Variants in PDXDC1 observed in about 807,000 individuals in gnomAD.
PDXDC1 encodes pyridoxal-dependent decarboxylase domain-containing protein 1.
A neutral mutation model predicts 100.1 loss-of-function variants in PDXDC1; 42 were observed. The ratio of observed to expected loss-of-function variants is 0.42; its 90% CI spans 0.33 to 0.54. The LOEUF is 0.54. Among genes scored for constraint, PDXDC1 ranks in the 20% least tolerant of loss-of-function variants. PDXDC1 has a pLI of 0.10. For synonymous variants in PDXDC1, 260 were observed against 371.7 expected, an observed-to-expected ratio of 0.70 and a Z score of 3.46; for missense variants, 636 against 979.2, an observed-to-expected ratio of 0.65 and a Z score of 4.68.
Position 15,031,819 on chromosome 16 carries a change from T to A in PDXDC1, c.1484T>A (p.Leu495Ter). 1 of 1,614,038 alleles carries A rather than the reference T, an allele frequency of 6.2e-7. No homozygotes were observed. Among genetic ancestry groups the A allele is most frequent in the South Asian group, 1.1e-5 (1 of 91,082 alleles). The change falls in exon 17 of 23, where the codon TTG (leucine) becomes TAG (stop). Residue 495 changes from leucine to a stop codon, truncating the protein, a stop_gained. Coordinates refer to ENST00000396410, the MANE Select transcript of PDXDC1 (RefSeq NM_015027.4). LOFTEE classifies it high-confidence loss of function. ...KLPVLCCTLQ[L>*]REEFKQEVEA... ...CCAGTGCTGTGCTGTACGCTCCAGTTGCGTGAAGAGTTCAAGCAGGAAGTG... is the reference window on the plus strand; with the variant it reads ...CCAGTGCTGTGCTGTACGCTCCAGTAGCGTGAAGAGTTCAAGCAGGAAGTG...
intron 13 of PDXDC1, 140 bp downstream of exon 13, chr16:15,022,894 AAAACG>A: frequency 1.3e-6 from 1 of 751,558 alleles, no homozygotes; most frequent in Non-Finnish European, 2.1e-6. Flanking sequence ...ACAAAACAAA[AAAACG>A]AAACAAAAAA....
intron 6 of PDXDC1, among the ~76,000 whole-genome samples, chr16:15,007,409 C>T (rs1276710860): frequency 2.6e-5 from 4 of 152,158 alleles, no homozygotes; most frequent in Non-Finnish European, 4.4e-5. Flanking sequence ...CTCCTGGCCT[C>T]GTGATCTGCC....
chr16:14,990,178 GC>G, intron 1 of PDXDC1: 1 of 1,282,246 alleles, frequency 7.8e-7, no homozygotes, highest in Non-Finnish European at 9.8e-7. Flanking sequence ...CCAGGCGCGG[GC>G]AAGGGCGCGA....
intron 19 of PDXDC1, 122 bp from the exon 20 acceptor site, chr16:15,034,164 C>G: frequency 1.3e-6 from 1 of 776,584 alleles, no homozygotes. Context: ...TTTACGCCGG[C>G]TTTTCAATGC....
intron 16 of PDXDC1, among the ~76,000 whole-genome samples, chr16:15,079,106 G>A (rs935446840): frequency 6.6e-5 from 10 of 151,894 alleles, no homozygotes; most frequent in Admixed American, 4.6e-4. Context: ...CACCACGCCC[G>A]GCCTCCTCTT....
At chr16:15,030,346 A>G (rs1276917599) in intron 16 of PDXDC1, among the ~76,000 whole-genome samples, 1 of 152,156 alleles carries the variant, frequency 6.6e-6, no homozygotes, top group African/African-American at 2.4e-5. Flanking sequence ...GGAGTTCGAG[A>G]CCAGCCTGGC....
intron 14 of PDXDC1, among the ~76,000 whole-genome samples, chr16:15,027,369 C>T (rs2042692280): frequency 6.6e-6 from 1 of 152,278 alleles, no homozygotes; most frequent in African/African-American, 2.4e-5. Context: ...TGTTTTACAG[C>T]TCCTAAGGCT....
intron 7 of PDXDC1, 102 bp from the exon 8 acceptor site, chr16:15,009,579 A>G (rs2041083679): frequency 6.6e-7 from 1 of 1,524,722 alleles, no homozygotes; most frequent in Non-Finnish European, 8.8e-7. Context: ...TTGATTTGAC[A>G]TTACTTTTGA....
rs540521803 is a variant in PDXDC1, at chr16:14,987,245, G to T, written c.22-10508G>T. 1.0e-4 allele frequency among the ~76,000 whole-genome samples: 16 copies of T among 152,396 alleles called. 1 individual carries two copies. In the South Asian group the frequency reaches 3.3e-3, roughly 32 times the overall value. On this transcript the variant is annotated intron_variant, in intron 1 of 22. Transcript: ENST00000396410. ...GGATAATCTTTAAAATTAAACCTTA[G>T]TTCTAAATATGATTTTTGAGTACAA...
intron 1 of PDXDC1, among the ~76,000 whole-genome samples, chr16:14,991,265 A>ATGTGTGTG (rs759288384): frequency 2.2e-5 from 3 of 137,824 alleles, no homozygotes; most frequent in African/African-American, 5.5e-5. Flanking sequence ...ATGTATATAG[A>ATGTGTGTG]TATGTGTGTG....
chr16:14,999,841 T>A lies in PDXDC1; in HGVS notation c.161+1436T>A, dbSNP rs1364347048. Among the ~76,000 whole-genome samples the A allele has an allele frequency of 2.0e-5, 3 of 152,158 alleles. No individual in the cohort carries two copies. In the East Asian group the frequency reaches 5.8e-4, roughly 29 times the overall value. On this transcript the variant is annotated intron_variant, in intron 3 of 22. Transcript: ENST00000396410. ...CTGGGATTAGTATCCCAGCCCAGCT[T>A]CCCTGAGACAAACTTTTTTTTTTTT...
chr16:15,075,820 G>T (rs1004485483), intron 16 of PDXDC1, among the ~76,000 whole-genome samples: 1 of 152,070 alleles, frequency 6.6e-6, no homozygotes, highest in Non-Finnish European at 1.5e-5. Flanking sequence ...CCTTTTGCAG[G>T]TCGGGATATC....
intron 16 of PDXDC1, chr16:15,076,605 T>C (rs1203400586): frequency 2.5e-6 from 4 of 1,613,430 alleles, no homozygotes; most frequent in South Asian, 2.2e-5. Flanking sequence ...CAAGTTTGAG[T>C]TGCTGTTTCT....
intron 16 of PDXDC1, among the ~76,000 whole-genome samples, chr16:15,046,501 C>T (rs963261776): frequency 9.9e-5 from 15 of 152,100 alleles, no homozygotes; most frequent in Non-Finnish European, 1.9e-4. Flanking sequence ...CAAATGGAGG[C>T]AGCGGCTACT....
At chr16:15,014,730 A>C (rs2041650090) in intron 8 of PDXDC1, among the ~76,000 whole-genome samples, 1 of 152,292 alleles carries the variant, frequency 6.6e-6, no homozygotes, top group Admixed American at 6.5e-5. Flanking sequence ...GCTTACTGCT[A>C]ACTGGAAATT....
intron 16 of PDXDC1, among the ~76,000 whole-genome samples, chr16:15,050,561 G>C (rs553010520): frequency 2.0e-5 from 3 of 152,106 alleles, no homozygotes; most frequent in South Asian, 2.1e-4. Context: ...GGAAGATCCT[G>C]TCTCTACAAA....
intron 14 of PDXDC1, among the ~76,000 whole-genome samples, chr16:15,028,610 A>G (rs1327870110): frequency 2.0e-5 from 3 of 152,306 alleles, no homozygotes; most frequent in African/African-American, 7.2e-5. Flanking sequence ...ACTTAAAACA[A>G]TTGCTGTTTC....
chr16:15,075,971 C>T (rs1289391533), intron 16 of PDXDC1, among the ~76,000 whole-genome samples: 1 of 152,178 alleles, frequency 6.6e-6, no homozygotes, highest in Non-Finnish European at 1.5e-5. Flanking sequence ...GACTGATTGA[C>T]AAGGCATCAG....
chr16:15,085,495 T>A, intron 16 of PDXDC1: 6 of 984,764 alleles, frequency 6.1e-6, no homozygotes, highest in Non-Finnish European at 8.9e-6. Flanking sequence ...AAAAATGTTT[T>A]TTTGCAGAGA....
Sources: gnomAD v4.1 joint callset for allele counts (sites outside exome capture counted in the v4.1 genomes callset) on GRCh38, gnomAD v4.1.1 for gene constraint, MANE v1.5 for transcripts, NCBI Gene and HGNC (gene_info 2026-07-23, HGNC 2026-07-21) for gene names.